PCDHA7: variants seen among roughly 807,000 people sequenced by gnomAD.
The protein encoded by PCDHA7 is protocadherin alpha-7.
In PCDHA7, 37 loss-of-function variants were observed where a neutral mutation model predicts 57.2. The ratio of observed to expected loss-of-function variants is 0.65; its 90% CI spans 0.50 to 0.85. The LOEUF (loss-of-function observed/expected upper bound fraction) is 0.85, where lower values mean the gene tolerates loss of function less well. PCDHA7 is among the 40% of genes least tolerant of loss of function. The pLI, the probability that PCDHA7 is intolerant of heterozygous loss-of-function variation, is 0.00. For missense variants in PCDHA7, 1,188 were observed against 1,241.8 expected, an observed-to-expected ratio of 0.96 and a Z score of 0.65; for synonymous variants, 553 against 558.8, an observed-to-expected ratio of 0.99 and a Z score of 0.15.
intron 1 of PCDHA7, chr5:140,843,659 C>T (rs2150364623): frequency 2.5e-6 from 4 of 1,594,466 alleles, no homozygotes; most frequent in Admixed American, 1.7e-5. Flanking sequence ...TCCTCCTGAT[C>T]TGGGATCAGT....
chr5:140,858,282 G>A (rs782040852), intron 1 of PCDHA7: 1 of 1,597,598 alleles, frequency 6.3e-7, no homozygotes, highest in Admixed American at 1.7e-5. Context: ...GCGGTGGGGA[G>A]CTGGTCTTAC....
At chr5:140,954,361 C>T (rs782543125) in intron 1 of PCDHA7, among the ~76,000 whole-genome samples, 18 of 152,220 alleles carry the variant, frequency 1.2e-4, no homozygotes, top group Non-Finnish European at 2.2e-4. Context: ...AATCGCCACA[C>T]AGTCTCCCAC....
At chr5:140,938,887 A>ACG (rs2092246756) in intron 1 of PCDHA7, among the ~76,000 whole-genome samples, 1 of 152,094 alleles carries the variant, frequency 6.6e-6, no homozygotes, top group South Asian at 2.1e-4. Flanking sequence ...ACACACACAC[A>ACG]CACAGATGCG....
chr5:140,996,293 A>T (rs1481852263), intron 3 of PCDHA7, among the ~76,000 whole-genome samples: 1 of 152,264 alleles, frequency 6.6e-6, no homozygotes, highest in African/African-American at 2.4e-5. Context: ...CAAGAAGCAC[A>T]GATTGTAACA....
At chr5:140,853,407 GA>G (rs1453850147) in intron 1 of PCDHA7, 1 of 986,146 alleles carries the variant, frequency 1.0e-6, no homozygotes, top group African/African-American at 1.8e-5. Flanking sequence ...TCAAAACAGA[GA>G]GGTGAAAGCA....
At position 140,980,488 on chromosome 5, in the gene PCDHA7, G is replaced by A. The variant is rs372283383; in HGVS notation, c.2414+1481G>A. Among the ~76,000 whole-genome samples, 12 of 152,250 alleles carry A rather than the reference G, an allele frequency of 7.9e-5. No individual in the cohort carries two copies. The East Asian group carries it at 1.9e-3, about 25-fold the overall frequency. Reference sequence around the variant, plus strand: ...CTACTAAAAATACAAAAATTAGCTGGGCGTGATGGCATGTGCCTGTAGTTC... The same window carrying A: ...CTACTAAAAATACAAAAATTAGCTGAGCGTGATGGCATGTGCCTGTAGTTC... On this transcript the variant is annotated intron_variant, in intron 2 of 3. Transcript: ENST00000525929.
At position 140,843,135 on chromosome 5, in the gene PCDHA7, C is replaced by T. The variant is rs2150353649; in HGVS notation, c.2355+6397C>T. 5 of 1,596,024 alleles carry T rather than the reference C, an allele frequency of 3.1e-6. No individual in the cohort carries two copies. The highest frequency in any genetic ancestry group is 3.4e-6 in the Non-Finnish European group (4 of 1,165,590). On this transcript the variant is annotated intron_variant, in intron 1 of 3. Transcript: ENST00000525929. ...GTGGACGCCGACTCGGGCTACAACG[C>T]GTGGCTTTCGTATGAGCTGCAGCCA...
At chr5:140,982,628 G>A (rs2096992254) in intron 3 of PCDHA7, 65 bp downstream of exon 3, 1 of 1,578,000 alleles carries the variant, frequency 6.3e-7, no homozygotes, top group African/African-American at 1.4e-5. Flanking sequence ...ACCTACTTTT[G>A]TAAGATCAGG....
intron 1 of PCDHA7, among the ~76,000 whole-genome samples, chr5:140,900,339 G>A (rs1019458960): frequency 7.2e-5 from 11 of 151,812 alleles, no homozygotes; most frequent in East Asian, 2.0e-4. Context: ...GTACCGTGGC[G>A]CAATCTTGGC....
chr5:140,887,707 C>A (rs1554183190), intron 1 of PCDHA7, among the ~76,000 whole-genome samples: 1 of 152,132 alleles, frequency 6.6e-6, no homozygotes, highest in African/African-American at 2.4e-5. Context: ...AACCATACTT[C>A]TTCTAATAGT....
At chr5:140,902,846 A>G (rs1119032) in intron 1 of PCDHA7, among the ~76,000 whole-genome samples, 22,643 of 152,174 alleles carry the variant, frequency 0.15, 1,744 homozygotes, top group Middle Eastern at 0.2. Flanking sequence ...CTTCACTTAG[A>G]AAAATGGCGT....
At chr5:140,924,738 T>C (rs2153573504) in intron 1 of PCDHA7, among the ~76,000 whole-genome samples, 1 of 151,522 alleles carries the variant, frequency 6.6e-6, no homozygotes, top group Admixed American at 6.6e-5. Flanking sequence ...CTAATAAAAA[T>C]ACAAAAATTA....
chr5:140,868,762 A>G (rs2050634437), intron 1 of PCDHA7: 1 of 233,926 alleles, frequency 4.3e-6, no homozygotes, highest in African/African-American at 2.3e-5. Flanking sequence ...ATATATATTT[A>G]GTTTCAATAT....
chr5:140,856,319 C>T (rs782092511), intron 1 of PCDHA7: 2 of 1,598,532 alleles, frequency 1.3e-6, no homozygotes, highest in African/African-American at 1.3e-5. Flanking sequence ...TCGGATTGAC[C>T]GCGAGGAGCT....
At chr5:140,876,709 C>T (rs782033453) in intron 1 of PCDHA7, 1 of 1,614,248 alleles carries the variant, frequency 6.2e-7, no homozygotes, top group Non-Finnish European at 8.5e-7. Context: ...GGACAGCGCC[C>T]TGGACCGCGA....
At chr5:140,973,728 C>G (rs1193811831) in intron 1 of PCDHA7, among the ~76,000 whole-genome samples, 1 of 152,232 alleles carries the variant, frequency 6.6e-6, no homozygotes, top group African/African-American at 2.4e-5. Context: ...ACATGGGCAT[C>G]TGGTCTAACT....
intron 1 of PCDHA7, chr5:140,863,718 G>A (rs2048134284): frequency 3.6e-6 from 1 of 274,680 alleles, no homozygotes; most frequent in South Asian, 3.9e-5. Flanking sequence ...ACTGGGGCCG[G>A]GTGCGGTAGC....
intron 1 of PCDHA7, chr5:140,849,616 T>G: frequency 6.3e-7 from 1 of 1,598,694 alleles, no homozygotes; most frequent in South Asian, 1.1e-5. Context: ...CTGATTAGTG[T>G]GATCGACCTA....
intron 1 of PCDHA7, chr5:140,857,403 C>T (rs782020024): frequency 1.3e-6 from 2 of 1,598,418 alleles, no homozygotes; most frequent in African/African-American, 2.7e-5. Flanking sequence ...GACAACGCGC[C>T]TGCGTTCGCG....
Sources: allele counts gnomAD v4.1 joint callset (sites outside exome capture counted in the v4.1 genomes callset), GRCh38; gene constraint gnomAD v4.1.1; transcripts MANE v1.5; gene names NCBI Gene and HGNC (gene_info 2026-07-23, HGNC 2026-07-21).